RANBP2: variants seen among roughly 807,000 people sequenced by gnomAD.
RANBP2 encodes the protein RAN binding protein 2.
Under a neutral mutation model 303.6 loss-of-function variants are expected in RANBP2, and 57 were observed. The observed-to-expected ratio is 0.19, with a 90% CI of 0.15 to 0.23. RANBP2 has a LOEUF of 0.23. Ranked by LOEUF, RANBP2 falls within the 10% of genes least tolerant of loss-of-function variation. RANBP2 has a pLI of 1.00. For missense variants in RANBP2, 3,138 were observed against 3,780.8 expected (o/e 0.83, Z 4.46); for synonymous variants, 1,167 against 1,301.5 (o/e 0.90, Z 2.23).
chr2:109,425,167 C>T, the RANBP2 span, among the ~76,000 whole-genome samples: 1 of 152,238 alleles, frequency 6.6e-6, no homozygotes, highest in African/African-American at 2.4e-5. Flanking sequence ...CCCTAACTCT[C>T]TTCAACTCCG....
the RANBP2 span, among the ~76,000 whole-genome samples, chr2:109,601,522 C>T: frequency 9.4e-3 from 1,432 of 152,274 alleles, 11 homozygotes; most frequent in Non-Finnish European, 0.017. Context: ...GGCCATTTCT[C>T]CTATATTTCC....
At chr2:109,075,956 A>C in the RANBP2 span, among the ~76,000 whole-genome samples, 1 of 150,772 alleles carries the variant, frequency 6.6e-6, no homozygotes, top group Non-Finnish European at 1.5e-5. Context: ...GGTCAGCATT[A>C]CCCTGATATC....
the RANBP2 span, among the ~76,000 whole-genome samples, chr2:109,755,196 G>GA: frequency 1.7e-5 from 2 of 115,682 alleles, no homozygotes; most frequent in African/African-American, 3.6e-5. Context: ...GGCACACCTT[G>GA]GTGGGGGGGG....
the RANBP2 span, chr2:109,565,808 T>G: frequency 6.2e-7 from 1 of 1,614,154 alleles, no homozygotes; most frequent in Non-Finnish European, 8.5e-7. Context: ...ACCATCTTGT[T>G]TCCGACTTTT....
the RANBP2 span, chr2:109,732,757 T>C: frequency 3.9e-6 from 3 of 763,450 alleles, no homozygotes; most frequent in Non-Finnish European, 7.1e-6. Flanking sequence ...TTGGAAACAA[T>C]GGCAACAAGA....
chr2:109,141,740 C>T, the RANBP2 span, among the ~76,000 whole-genome samples: 30,830 of 152,062 alleles, frequency 0.2, 3,906 homozygotes, highest in Middle Eastern at 0.36. Flanking sequence ...TTCTAGACCC[C>T]GGGGAACAAG....
chr2:109,447,659 C>A, the RANBP2 span, among the ~76,000 whole-genome samples: 4 of 152,170 alleles, frequency 2.6e-5, no homozygotes. Context: ...AGTCACCATT[C>A]CCCTGGGGCC....
chr2:109,680,944 ACT>A, the RANBP2 span, among the ~76,000 whole-genome samples: 1 of 152,196 alleles, frequency 6.6e-6, no homozygotes, highest in East Asian at 1.9e-4. Context: ...ATTCACCCAC[ACT>A]GTGACCCAGC....
chr2:108,949,184 G>A, the RANBP2 span, among the ~76,000 whole-genome samples: 1 of 152,062 alleles, frequency 6.6e-6, no homozygotes, highest in African/African-American at 2.4e-5. Context: ...ATTTCCCCAT[G>A]TTGCCGACAC....
the RANBP2 span, among the ~76,000 whole-genome samples, chr2:108,877,966 C>T: frequency 1.3e-5 from 2 of 152,122 alleles, no homozygotes; most frequent in Non-Finnish European, 2.9e-5. Context: ...ATTTTTAATC[C>T]AAGAATTTCT....
the RANBP2 span, among the ~76,000 whole-genome samples, chr2:108,875,507 G>GA: frequency 1.5e-4 from 22 of 150,348 alleles, no homozygotes; most frequent in East Asian, 1.6e-3. Flanking sequence ...TGCTAGCTGT[G>GA]AAAAAAAAAA....
the RANBP2 span, among the ~76,000 whole-genome samples, chr2:109,077,258 G>A: frequency 6.6e-6 from 1 of 150,556 alleles, no homozygotes; most frequent in Non-Finnish European, 1.5e-5. Flanking sequence ...AAACTTAAAT[G>A]TAAGACCTTA....
the RANBP2 span, among the ~76,000 whole-genome samples, chr2:108,808,055 CAT>C: frequency 4.6e-5 from 7 of 152,136 alleles, no homozygotes; most frequent in African/African-American, 1.2e-4. Context: ...TGAGTAAGAA[CAT>C]GTGGTATTTA....
chr2:109,688,802 AAAAAAG>A, the RANBP2 span, among the ~76,000 whole-genome samples: 1 of 151,098 alleles, frequency 6.6e-6, no homozygotes, highest in Non-Finnish European at 1.5e-5. Context: ...AAAAAAAAAA[AAAAAAG>A]AATCAATGTA....
the RANBP2 span, among the ~76,000 whole-genome samples, chr2:109,542,689 T>C: frequency 6.6e-6 from 1 of 152,210 alleles, no homozygotes; most frequent in Non-Finnish European, 1.5e-5. Flanking sequence ...GCGAAGAAAC[T>C]TCTGAGCTTG....
chr2:109,335,456 G>A, the RANBP2 span, among the ~76,000 whole-genome samples: 1 of 152,158 alleles, frequency 6.6e-6, no homozygotes, highest in African/African-American at 2.4e-5. Context: ...CTGCCCCTCA[G>A]GGCTGGGACA....
At chr2:109,084,330 G>T in the RANBP2 span, among the ~76,000 whole-genome samples, 1 of 152,220 alleles carries the variant, frequency 6.6e-6, no homozygotes, top group African/African-American at 2.4e-5. Flanking sequence ...GAAGGGCGTT[G>T]GATATTTGGA....
At chr2:109,615,341 G>A in the RANBP2 span, 1 of 1,612,300 alleles carries the variant, frequency 6.2e-7, no homozygotes, top group Non-Finnish European at 8.5e-7. Flanking sequence ...ACAGCCTGGA[G>A]GGCTTGCTCA....
the RANBP2 span, among the ~76,000 whole-genome samples, chr2:108,822,894 T>C: frequency 6.6e-6 from 1 of 151,998 alleles, no homozygotes; most frequent in East Asian, 1.9e-4. Flanking sequence ...ATCAACAAAA[T>C]TGACAAACCG....
Sources: gnomAD v4.1 joint callset for allele counts (sites outside exome capture counted in the v4.1 genomes callset) on GRCh38, gnomAD v4.1.1 for gene constraint, MANE v1.5 for transcripts, NCBI Gene and HGNC (gene_info 2026-07-23, HGNC 2026-07-21) for gene names.